CPNE4: variants seen among roughly 807,000 people sequenced by gnomAD.
The protein encoded by CPNE4 is copine 4.
CPNE4 carries 25 observed loss-of-function variants against 67.9 expected under a neutral mutation model. The ratio of observed to expected loss-of-function variants is 0.37; its 90% confidence interval spans 0.27 to 0.51. The LOEUF is 0.51. Among genes scored for constraint, CPNE4 ranks in the 20% least tolerant of loss-of-function variants. The pLI is 0.93. For synonymous variants in CPNE4, 242 were observed against 244.9 expected, an observed-to-expected ratio of 0.99 and a Z score of 0.11; for missense variants, 464 against 690.8, an observed-to-expected ratio of 0.67 and a Z score of 3.68.
chr3:131,695,137 C>T (rs534516367), intron 5 of CPNE4, among the ~76,000 whole-genome samples: 5 of 152,278 alleles, frequency 3.3e-5, no homozygotes, highest in African/African-American at 9.6e-5. Flanking sequence ...ATTTAACTTC[C>T]AGTCCAAACT....
intron 2 of CPNE4, among the ~76,000 whole-genome samples, chr3:131,738,657 C>A (rs2082291752): frequency 1.3e-5 from 2 of 151,762 alleles, no homozygotes; most frequent in South Asian, 2.1e-4. Flanking sequence ...TTGTTTTTTT[C>A]TGGCTTTGAT....
At chr3:131,578,528 C>T (rs1294004723) in intron 9 of CPNE4, among the ~76,000 whole-genome samples, 1 of 152,066 alleles carries the variant, frequency 6.6e-6, no homozygotes, top group African/African-American at 2.4e-5. Flanking sequence ...AAATTAAAAG[C>T]TAGAAATGAT....
chr3:131,555,069 A>AT (rs1305921088), intron 12 of CPNE4, among the ~76,000 whole-genome samples: 10 of 152,102 alleles, frequency 6.6e-5, no homozygotes, highest in Admixed American at 4.6e-4. Flanking sequence ...TGTGTCTCCC[A>AT]TACAAGACTT....
intron 2 of CPNE4, among the ~76,000 whole-genome samples, chr3:131,769,186 A>T (rs2083101225): frequency 4.6e-5 from 7 of 152,156 alleles, no homozygotes; most frequent in Admixed American, 4.6e-4. Context: ...CACTTCATTC[A>T]TCAGAGGGCA....
intron 7 of CPNE4, among the ~76,000 whole-genome samples, chr3:131,603,837 A>C (rs1047167841): frequency 4.6e-5 from 7 of 152,174 alleles, no homozygotes; most frequent in African/African-American, 1.7e-4. Flanking sequence ...CCTCAGTTGA[A>C]GAAGCATTGG....
rs139269129 is a variant in CPNE4, at chr3:131,553,504, T to A, written c.1117-1013A>T. 1.8e-3 allele frequency among the ~76,000 whole-genome samples: 269 copies of A among 152,224 alleles called. 2 individuals are homozygous for A. Among genetic ancestry groups the A allele is most frequent in the African/African-American group, 6.3e-3 (261 of 41,560 alleles). On this transcript the variant is annotated intron_variant, in intron 12 of 15. Transcript: ENST00000429747. ...GTAATCAGTAATTAACAGGAGGTGATGTATACATATCCCAGCTCCCTTATC... is the reference window on the plus strand; with the variant it reads ...GTAATCAGTAATTAACAGGAGGTGAAGTATACATATCCCAGCTCCCTTATC...
chr3:131,820,125 T>C (rs570759253), intron 2 of CPNE4, among the ~76,000 whole-genome samples: 21 of 152,274 alleles, frequency 1.4e-4, no homozygotes, highest in African/African-American at 4.6e-4. Context: ...CAATATAAAA[T>C]GCCCAATACA....
intron 3 of CPNE4, among the ~76,000 whole-genome samples, chr3:131,700,705 A>G (rs908569878): frequency 1.3e-5 from 2 of 152,194 alleles, no homozygotes; most frequent in Non-Finnish European, 2.9e-5. Flanking sequence ...AAAGGTCTAG[A>G]ACTAGAAATA....
chr3:131,874,453 A>G (rs547586617), intron 2 of CPNE4, among the ~76,000 whole-genome samples: 1 of 152,294 alleles, frequency 6.6e-6, no homozygotes, highest in South Asian at 2.1e-4. Context: ...GCCAAACACG[A>G]GGAATAAAAA....
At chr3:131,687,498 AT>A (rs1015879755) in intron 5 of CPNE4, among the ~76,000 whole-genome samples, 2 of 152,072 alleles carry the variant, frequency 1.3e-5, no homozygotes, top group African/African-American at 4.8e-5. Flanking sequence ...TCACCAAGTA[AT>A]TTTTTTCCAG....
chr3:131,572,473 G>A (rs572740603), intron 10 of CPNE4, among the ~76,000 whole-genome samples: 8 of 152,014 alleles, frequency 5.3e-5, no homozygotes, highest in South Asian at 2.1e-4. Flanking sequence ...AAGTTCTCTC[G>A]CCTCCTATTC....
intron 2 of CPNE4, among the ~76,000 whole-genome samples, chr3:131,818,809 A>C (rs1004416914): frequency 1.3e-5 from 2 of 152,162 alleles, no homozygotes; most frequent in African/African-American, 4.8e-5. Context: ...AAGTGGTAAA[A>C]CCAGGATTCA....
intron 8 of CPNE4, among the ~76,000 whole-genome samples, chr3:131,585,530 CTGTT>C (rs1164594066): frequency 1.3e-5 from 2 of 152,150 alleles, no homozygotes; most frequent in Non-Finnish European, 2.9e-5. Flanking sequence ...CGATTTCTCT[CTGTT>C]TGAAAGCATT....
rs775952520 is a variant in CPNE4 at position 131,717,652 on chromosome 3, G to A, written c.360+5794C>T. Among the ~76,000 whole-genome samples the A allele has an allele frequency of 4.2e-4, 64 of 152,220 alleles. No individual in the cohort carries two copies. In the East Asian group the frequency reaches 5.6e-3, roughly 13 times the overall value. On this transcript the variant is annotated intron_variant, in intron 3 of 15. Transcript: ENST00000429747. ...GCTAAGCCAGACACCTGCAAACTCC[G>A]CCTCCCTCACCTCATCTCCAAGGCT...
At chr3:131,557,744 A>C (rs771807551) in intron 11 of CPNE4, among the ~76,000 whole-genome samples, 1 of 152,076 alleles carries the variant, frequency 6.6e-6, no homozygotes. Flanking sequence ...GTCCTTGGAC[A>C]TACTGAAATA....
chr3:131,961,853 A>G (rs529827115), intron 1 of CPNE4, among the ~76,000 whole-genome samples: 1 of 152,134 alleles, frequency 6.6e-6, no homozygotes, highest in Non-Finnish European at 1.5e-5. Flanking sequence ...TTTTCTGTTT[A>G]TCTCTCTCCC....
chr3:132,017,747 CTCTCCAACAGGAGTTATAGCGGGAGGCCT>C (rs2073915635), intron 1 of CPNE4: 1 of 152,248 alleles, frequency 6.6e-6, no homozygotes, highest in African/African-American at 2.4e-5. Flanking sequence ...ATGTCACTGG[CTCTCCAACAGGAGTTATAGCGGGAGGCCT>C]TCTCCTCTTA....
intron 7 of CPNE4, among the ~76,000 whole-genome samples, chr3:131,616,238 A>G (rs1940152500): frequency 6.6e-6 from 1 of 150,852 alleles, no homozygotes; most frequent in Non-Finnish European, 1.5e-5. Context: ...GAGCAAGAGA[A>G]TAGTGAAAAC....
chr3:131,642,388 T>G (rs1212377528), intron 7 of CPNE4, among the ~76,000 whole-genome samples: 2 of 152,194 alleles, frequency 1.3e-5, no homozygotes, highest in Non-Finnish European at 2.9e-5. Context: ...AGCCAGGCCC[T>G]GCAGAGCCCT....
Sources: gnomAD v4.1 joint callset for allele counts (sites outside exome capture counted in the v4.1 genomes callset) on GRCh38, gnomAD v4.1.1 for gene constraint, MANE v1.5 for transcripts, NCBI Gene and HGNC (gene_info 2026-07-23, HGNC 2026-07-21) for gene names.